The following VWDE variants were observed in gnomAD, a reference collection of about 807,000 sequenced individuals.
VWDE encodes von Willebrand factor D and EGF domains, also known as von Willebrand factor D and EGF domain-containing protein.
Under a neutral mutation model 178.4 loss-of-function variants are expected in VWDE, and 207 were observed. That is an observed-to-expected ratio of 1.16 (90% CI 1.04 to 1.30). VWDE has a LOEUF of 1.30. Ranked by LOEUF, VWDE falls within the 50% of genes most tolerant of loss-of-function variation. The pLI, the probability that VWDE is intolerant of heterozygous loss-of-function variation, is 0.00. For missense variants in VWDE, 2,287 were observed against 1,901.3 expected (o/e 1.20, Z -3.77); for synonymous variants, 738 against 651.4 (o/e 1.13, Z -2.02).
intron 7 of VWDE, among the ~76,000 whole-genome samples, chr7:12,376,894 T>C (rs549982178): frequency 2.8e-4 from 43 of 151,856 alleles, no homozygotes; most frequent in African/African-American, 1.0e-3. Flanking sequence ...ATTCTCTTTC[T>C]CTCTCTCTCT....
rs968531426 is a variant in VWDE at position 12,377,765 on chromosome 7, T to C, written c.1024+11A>G. ...ATCTAATAATAAGATAAAATAAAGT[T>C]AGTATATTACCTTGACCAATAGTTT... On this transcript the variant is annotated intron_variant, in intron 7 of 28. Coordinates refer to ENST00000275358, the MANE Select transcript of VWDE (RefSeq NM_001135924.3). 1 of 1,417,784 alleles carries C rather than the reference T, an allele frequency of 7.1e-7. No individual in the cohort carries two copies. The highest frequency in any genetic ancestry group is 9.4e-7 in the Non-Finnish European group (1 of 1,066,982). 87.8% of individuals were successfully genotyped at this position (1,417,784 alleles called of 1,614,324 possible).
chr7:12,346,739 GTGAT>G (rs1451737729), intron 19 of VWDE, among the ~76,000 whole-genome samples: 1 of 152,030 alleles, frequency 6.6e-6, no homozygotes, highest in Non-Finnish European at 1.5e-5. Context: ...ATTTTAAGCA[GTGAT>G]TAGATACGTT....
At chr7:12,359,537 T>G (rs1346010948) in intron 16 of VWDE, 41 bp downstream of exon 16, 2 of 1,355,174 alleles carry the variant, frequency 1.5e-6, no homozygotes, top group Admixed American at 4.2e-5. Flanking sequence ...TTTTAAAATG[T>G]CTTGTATAGG....
intron 12 of VWDE, among the ~76,000 whole-genome samples, 195 bp downstream of exon 12, chr7:12,369,350 G>A (rs992839928): frequency 2.0e-5 from 3 of 152,074 alleles, no homozygotes; most frequent in African/African-American, 7.2e-5. Context: ...GCTGTTATAA[G>A]TTACTTTGGC....
rs779943259 is a variant in VWDE at position 12,370,196 on chromosome 7, G to C, written c.2110C>G (p.Leu704Val). ...TGTACATTTAAGCCGAGTTTAGTCA[G>C]GTTTATGTGTTTTTTTTCTTGCAGA... The part of the protein sequence containing the change: ...LFLQEKKHIN[L>V]TKLGLNVQKH... The change falls in exon 12 of 29, where the codon CTG becomes GTG. Residue 704 changes from leucine to valine, a missense_variant. By Grantham distance (32) the Leu-to-Val change is conservative (BLOSUM62 1). Coordinates refer to ENST00000275358, the MANE Select transcript of VWDE (RefSeq NM_001135924.3). 2 of 1,551,148 alleles carry C rather than the reference G, an allele frequency of 1.3e-6. No homozygotes were observed. The highest frequency in any genetic ancestry group is 2.4e-5 in the South Asian group (2 of 84,002).
intron 13 of VWDE, 27 bp downstream of exon 13, chr7:12,367,330 T>C: frequency 6.6e-7 from 1 of 1,508,634 alleles, no homozygotes; most frequent in Non-Finnish European, 8.9e-7. Context: ...TACACTCTAT[T>C]GTTTCTGAAC....
At chr7:12,350,930 T>C (rs984672672) in intron 19 of VWDE, among the ~76,000 whole-genome samples, 3 of 152,110 alleles carry the variant, frequency 2.0e-5, no homozygotes, top group Admixed American at 1.3e-4. Flanking sequence ...AAAACAATTA[T>C]TGTCTGCCTG....
At position 12,393,678 on chromosome 7, in the gene VWDE, T is replaced by C. The variant is rs1784494480; in HGVS notation, c.159A>G (p.Leu53=). Residue 53 remains leucine (L), a synonymous_variant, in exon 2 of 29, where the codon CTA becomes CTG. Coordinates refer to ENST00000275358, the MANE Select transcript of VWDE (RefSeq NM_001135924.3). ...WHLQQSAVQD[L]ICDHSLSPGW... is the part of the protein sequence containing the mutation. ...CAGGGGAGAGGGAATGGTCACATAT[T>C]AGGTCTTGAACAGCTGACTGCTGGA... 2 of 1,551,118 alleles carry C rather than the reference T, an allele frequency of 1.3e-6. No homozygotes were observed. Among genetic ancestry groups the C allele is most frequent in the Non-Finnish European group, 8.7e-7 (1 of 1,146,700 alleles).
intron 19 of VWDE, among the ~76,000 whole-genome samples, chr7:12,345,614 T>C (rs1486987035): frequency 2.0e-5 from 3 of 152,144 alleles, no homozygotes; most frequent in Non-Finnish European, 4.4e-5. Flanking sequence ...GACCTGCTAA[T>C]TTGAGAATAT....
chr7:12,340,315 T>A lies in VWDE; in HGVS notation c.4366+7A>T. 6.5e-7 allele frequency: 1 copy of A among 1,546,446 alleles called. No homozygotes were observed. The highest frequency in any genetic ancestry group is 1.4e-5 in the African/African-American group (1 of 73,014). ...GCCCTTTTTACATACAAAGAAAGAA[T>A]AATTACCATTCTGACAGTGTTCCCC... On this transcript the variant is annotated splice_region_variant and intron_variant, in intron 24 of 28. Transcript: ENST00000275358.
intron 13 of VWDE, among the ~76,000 whole-genome samples, chr7:12,363,217 C>T (rs564350756): frequency 3.9e-5 from 6 of 152,038 alleles, no homozygotes; most frequent in Non-Finnish European, 8.8e-5. Flanking sequence ...GCAAACACTT[C>T]TCTTCCTGAA....
At chr7:12,359,754 A>C (rs1033667510) in intron 15 of VWDE, 62 bp from the exon 16 acceptor site, 5 of 1,000,696 alleles carry the variant, frequency 5.0e-6, no homozygotes, top group Non-Finnish European at 7.4e-6. Flanking sequence ...AAAAAAGTAC[A>C]TAGAAGGATG....
Position 12,333,537 on chromosome 7 carries a change from GC to G in VWDE, c.4685del (p.Gly1562AlafsTer26), listed in dbSNP as rs746461980. On this transcript the variant is annotated frameshift_variant, in exon 28 of 29. Coordinates refer to ENST00000275358, the MANE Select transcript of VWDE (RefSeq NM_001135924.3). LOFTEE classifies it high-confidence loss of function. ...PICNPKCLYGGRCIFPNVCSC... is the reference protein window; with the variant it reads ...PICNPKCLYGXRCIFPNVCSC... ...AACACACATTGGGAAATATGCATCT[GC>G]CTCCATAAAGACATTTTGGGTTGCA... The G allele has an allele frequency of 6.3e-5, 97 of 1,551,066 alleles. 3 individuals are homozygous for G. In the South Asian group the frequency reaches 1.1e-3, roughly 17 times the overall value.
In VWDE at chr7:12,335,871, C is replaced by T. The variant is rs576854506; in HGVS notation, c.4654+270G>A. ...TTCTATATATCAATACCTTCTTTGG[C>T]CCACCTGGGGAAACTTTATTGGTAA... is the stretch of plus-strand genomic sequence containing the variant. On this transcript the variant is annotated intron_variant, in intron 27 of 28. Coordinates refer to ENST00000275358, the MANE Select transcript of VWDE (RefSeq NM_001135924.3). Among the ~76,000 whole-genome samples, 79 of 152,196 alleles carry T rather than the reference C, an allele frequency of 5.2e-4. 3 individuals carry two copies. In the South Asian group the frequency reaches 0.016, roughly 30 times the overall value.
Position 12,367,342 on chromosome 7 carries a change from C to G in VWDE, c.2898+15G>C. 3 of 1,528,814 alleles carry G rather than the reference C, an allele frequency of 2.0e-6. No individual in the cohort carries two copies. In the East Asian group the frequency reaches 7.4e-5, roughly 38 times the overall value. The allele number at this position is 1,528,814 out of a possible 1,614,324, so 94.7% of individuals were successfully genotyped here. A position where few individuals can be genotyped will look rare whatever the true frequency, so the allele number is the denominator to read the frequency against. On this transcript the variant is annotated intron_variant, in intron 13 of 28. Transcript: ENST00000275358. The stretch of plus-strand genomic sequence containing the variant: ...TCATACACTCTATTGTTTCTGAACT[C>G]TATAATTAACATACCTGTAGCTTAG...
intron 10 of VWDE, 138 bp from the exon 11 acceptor site, chr7:12,371,002 A>G (rs1437383541): frequency 5.4e-6 from 4 of 745,612 alleles, no homozygotes; most frequent in Non-Finnish European, 7.8e-6. Context: ...GATTTTCTTG[A>G]CTACAACTTT....
chr7:12,337,149 T>C (rs1781083991), intron 25 of VWDE, 28 bp downstream of exon 25: 8 of 1,551,390 alleles, frequency 5.2e-6, no homozygotes, highest in South Asian at 1.2e-5. Flanking sequence ...TTAGCTGTAG[T>C]TGACAAATAC....
At chr7:12,376,815 C>G (rs887526934) in intron 7 of VWDE, among the ~76,000 whole-genome samples, 2 of 151,980 alleles carry the variant, frequency 1.3e-5, no homozygotes, top group Non-Finnish European at 2.9e-5. Flanking sequence ...GTTAACAATC[C>G]TAAGATGACC....
chr7:12,344,950 C>G (rs1401343566), intron 19 of VWDE, among the ~76,000 whole-genome samples: 3 of 151,876 alleles, frequency 2.0e-5, no homozygotes, highest in Non-Finnish European at 2.9e-5. Flanking sequence ...TTAATCAGAT[C>G]TATATTGACA....
Sources: allele counts gnomAD v4.1 joint callset (sites outside exome capture counted in the v4.1 genomes callset), GRCh38; gene constraint gnomAD v4.1.1; transcripts MANE v1.5; gene names NCBI Gene and HGNC (gene_info 2026-07-23, HGNC 2026-07-21).